KIAA2012: variants seen among roughly 807,000 people sequenced by gnomAD.
KIAA2012 encodes KIAA2012.
A neutral mutation model predicts 150.6 loss-of-function variants in KIAA2012; 125 were observed. The ratio of observed to expected loss-of-function variants is 0.83; its 90% CI spans 0.72 to 0.96. The LOEUF (loss-of-function observed/expected upper bound fraction) is 0.96, where lower values mean the gene tolerates loss of function less well. Among genes scored for constraint, KIAA2012 ranks in the 40% least tolerant of loss-of-function variants. KIAA2012 has a pLI of 0.00. For synonymous variants in KIAA2012, 462 were observed against 504.7 expected, an observed-to-expected ratio of 0.92 and a Z score of 1.13; for missense variants, 1,219 against 1,354.9, an observed-to-expected ratio of 0.90 and a Z score of 1.57.
In KIAA2012 at chr2:202,146,339, T is replaced by C. The variant is rs1691293705; in HGVS notation, c.1908+7831T>C. 2.6e-5 allele frequency among the ~76,000 whole-genome samples: 4 copies of C among 151,862 alleles called. No individual in the cohort carries two copies. The South Asian group carries it at 8.3e-4, about 32-fold the overall frequency. On this transcript the variant is annotated intron_variant, in intron 13 of 23. Transcript: ENST00000498697. Reference sequence around the variant, plus strand: ...GCAACAAAGTGAGACCCCATCTCTATAAAAAAGTAGCAGCCGGGTGCAGTG... The same window carrying C: ...GCAACAAAGTGAGACCCCATCTCTACAAAAAAGTAGCAGCCGGGTGCAGTG...
intron 19 of KIAA2012, among the ~76,000 whole-genome samples, chr2:202,192,611 C>T (rs1162470260): frequency 6.6e-6 from 1 of 152,122 alleles, no homozygotes; most frequent in Non-Finnish European, 1.5e-5. Flanking sequence ...CCACGTGCCA[C>T]CATACCTGGC....
intron 19 of KIAA2012, among the ~76,000 whole-genome samples, chr2:202,190,998 G>T (rs1692318641): frequency 1.3e-5 from 2 of 152,176 alleles, no homozygotes; most frequent in African/African-American, 4.8e-5. Flanking sequence ...ATGCTTTTGG[G>T]CCGGGCATGG....
At chr2:202,166,820 A>T (rs1047463006) in intron 15 of KIAA2012, among the ~76,000 whole-genome samples, 3 of 152,214 alleles carry the variant, frequency 2.0e-5, no homozygotes, top group African/African-American at 7.2e-5. Flanking sequence ...CATGAGTCTT[A>T]GACTTGGTGA....
chr2:202,172,541 TA>T (rs1251992194), intron 15 of KIAA2012, among the ~76,000 whole-genome samples: 2 of 152,234 alleles, frequency 1.3e-5, no homozygotes, highest in African/African-American at 2.4e-5. Context: ...AACTAATTAT[TA>T]AAACCAGGGT....
intron 11 of KIAA2012, among the ~76,000 whole-genome samples, chr2:202,121,066 A>G (rs1690642740): frequency 6.6e-6 from 1 of 152,130 alleles, no homozygotes; most frequent in Admixed American, 6.6e-5. Context: ...CATTTCCTTA[A>G]AAGGAAACTG....
intron 4 of KIAA2012, among the ~76,000 whole-genome samples, chr2:202,094,142 G>T (rs1689803489): frequency 6.6e-6 from 1 of 152,166 alleles, no homozygotes; most frequent in African/African-American, 2.4e-5. Context: ...TTTTAGCTGG[G>T]CGTGGTGGCA....
At chr2:202,121,135 T>C (rs1280171808) in intron 11 of KIAA2012, among the ~76,000 whole-genome samples, 1 of 152,204 alleles carries the variant, frequency 6.6e-6, no homozygotes, top group Non-Finnish European at 1.5e-5. Flanking sequence ...TTCAACCATG[T>C]GGAAGAGAAC....
chr2:202,142,596 G>C (rs577873116), intron 13 of KIAA2012, among the ~76,000 whole-genome samples: 1 of 152,208 alleles, frequency 6.6e-6, no homozygotes, highest in East Asian at 1.9e-4. Flanking sequence ...TGGTTCACAA[G>C]TAGGAAGGGG....
At chr2:202,111,370 C>T (rs1182500101) in intron 10 of KIAA2012, among the ~76,000 whole-genome samples, 1 of 148,814 alleles carries the variant, frequency 6.7e-6, no homozygotes, top group Non-Finnish European at 1.5e-5. Flanking sequence ...ATTAGCCAGG[C>T]ATGGTGGTGT....
At chr2:202,136,073 T>C (rs1319287505) in intron 12 of KIAA2012, 1 of 403,356 alleles carries the variant, frequency 2.5e-6, no homozygotes, top group Non-Finnish European at 5.0e-6. Context: ...CTCGCTGACT[T>C]CAAGAATGAA....
At chr2:202,124,444 A>T (rs1690730623) in intron 11 of KIAA2012, among the ~76,000 whole-genome samples, 1 of 152,134 alleles carries the variant, frequency 6.6e-6, no homozygotes, top group Non-Finnish European at 1.5e-5. Flanking sequence ...GGCTAGAATC[A>T]GATGGACTAG....
rs1691131108 is a variant in KIAA2012, at chr2:202,138,508, G to A, written c.1908G>A (p.Gln636=). Residue 636 remains glutamine (Q), a splice_region_variant and synonymous_variant, in exon 13 of 24, where the codon CAG becomes CAA. Coordinates refer to ENST00000498697, the MANE Select transcript of KIAA2012 (RefSeq NM_001277372.4). Reference sequence around the variant, plus strand: ...CGTTGACCCAAACAACAGAGAAGCAGGTATAGTATTGACTCTGAATGAGGA... The same window carrying A: ...CGTTGACCCAAACAACAGAGAAGCAAGTATAGTATTGACTCTGAATGAGGA... ...TSPLTQTTEK[Q]GAQQSLEAAA... is the part of the protein sequence containing the mutation. 6.5e-7 allele frequency: 1 copy of A among 1,548,268 alleles called. No homozygotes were observed. Among genetic ancestry groups the A allele is most frequent in the Admixed American group, 2.0e-5 (1 of 50,956 alleles).
chr2:202,199,996 T>C (rs1192599400), intron 22 of KIAA2012, among the ~76,000 whole-genome samples: 1 of 131,392 alleles, frequency 7.6e-6, no homozygotes, highest in Non-Finnish European at 1.6e-5. Context: ...AGTGGCGCAA[T>C]CTTGGCTCCC....
chr2:202,138,390 C>A (rs1013730280), intron 12 of KIAA2012, 42 bp from the exon 13 acceptor site: 2 of 1,434,306 alleles, frequency 1.4e-6, no homozygotes, highest in Non-Finnish European at 1.9e-6. Flanking sequence ...AGATCCAGAT[C>A]TGACCACCTT....
chr2:202,114,929 C>T (rs1189265557), intron 11 of KIAA2012: 1 of 167,408 alleles, frequency 6.0e-6, no homozygotes, highest in Non-Finnish European at 1.5e-5. Flanking sequence ...AGCCACTGAC[C>T]TTTCTCAAGC....
chr2:202,122,498 CTTTTT>C (rs368758133), intron 11 of KIAA2012, among the ~76,000 whole-genome samples: 1 of 119,200 alleles, frequency 8.4e-6, no homozygotes, highest in African/African-American at 3.6e-5. Context: ...CAAATCCGCT[CTTTTT>C]TTTTTTTTTT....
intron 15 of KIAA2012, among the ~76,000 whole-genome samples, chr2:202,177,473 A>G (rs946307909): frequency 1.3e-5 from 2 of 152,228 alleles, no homozygotes; most frequent in African/African-American, 4.8e-5. Flanking sequence ...GAGAAGCCCA[A>G]GATCAAGATG....
intron 14 of KIAA2012, among the ~76,000 whole-genome samples, chr2:202,160,600 A>G (rs1313714979): frequency 6.6e-6 from 1 of 152,210 alleles, no homozygotes; most frequent in African/African-American, 2.4e-5. Flanking sequence ...GGCGTGAGCC[A>G]CCACGCCCGG....
chr2:202,198,756 C>CT lies in KIAA2012; in HGVS notation c.3407+1737_3407+1738insT, dbSNP rs762229241. Among the ~76,000 whole-genome samples the CT allele has an allele frequency of 1.0e-3, 159 of 152,258 alleles. 2 individuals carry two copies. Among genetic ancestry groups the CT allele is most frequent in the Admixed American group, 0.01 (158 of 15,276 alleles). On this transcript the variant is annotated intron_variant, in intron 22 of 23. Transcript: ENST00000498697. ...AACCCCGAAAACCGTGTGATTCCAA[C>CT]GTTAACTGTAAATACTTTTCCCCTT...
Sources: allele counts gnomAD v4.1 joint callset (sites outside exome capture counted in the v4.1 genomes callset), GRCh38; gene constraint gnomAD v4.1.1; transcripts MANE v1.5; gene names NCBI Gene and HGNC (gene_info 2026-07-23, HGNC 2026-07-21).